VSNL1: variants seen among roughly 807,000 people sequenced by gnomAD.
VSNL1 encodes visinin like 1, also known as visinin-like protein 1.
VSNL1 carries 6 observed loss-of-function variants against 20.4 expected under a neutral mutation model. The ratio of observed to expected loss-of-function variants is 0.29; its 90% CI spans 0.16 to 0.58. The LOEUF is 0.58. Among genes scored for constraint, VSNL1 ranks in the 20% least tolerant of loss-of-function variants. The pLI is 0.90. For missense variants in VSNL1, 100 were observed against 234.5 expected (o/e 0.43, Z 3.75); for synonymous variants, 93 against 86.4 (o/e 1.08, Z -0.42).
At chr2:17,553,013 A>G (rs1403945092) in intron 1 of VSNL1, among the ~76,000 whole-genome samples, 2 of 152,208 alleles carry the variant, frequency 1.3e-5, no homozygotes, top group African/African-American at 4.8e-5. Context: ...TCTCTCGCAT[A>G]TACAAGATCT....
At chr2:17,589,126 A>G (rs1178841381) in intron 1 of VSNL1, among the ~76,000 whole-genome samples, 1 of 152,142 alleles carries the variant, frequency 6.6e-6, no homozygotes, top group East Asian at 1.9e-4. Context: ...AATTGAGACT[A>G]TTTAAAGAAG....
intron 1 of VSNL1, among the ~76,000 whole-genome samples, chr2:17,588,417 G>C (rs2103372710): frequency 6.6e-6 from 1 of 152,312 alleles, no homozygotes; most frequent in Non-Finnish European, 1.5e-5. Flanking sequence ...CAAGATCACA[G>C]AGTAAGTTAG....
chr2:17,655,316 T>C lies in VSNL1; in HGVS notation c.498T>C (p.Ile166=). The part of the protein sequence containing the change: ...SKMDKNKDDQ[I]TLDEFKEAAK... ...TGGATAAGAACAAAGATGACCAGAT[T>C]ACACTGGATGAATTCAAAGAAGCTG... The change falls in exon 4 of 4, where the codon ATT becomes ATC. Residue 166 remains isoleucine, a synonymous_variant. Transcript: ENST00000295156. This position sits in a 1 kb window ranked among gnomAD's most constrained non-coding sequence, Gnocchi z 5.2. 2 of 1,614,146 alleles carry C rather than the reference T, an allele frequency of 1.2e-6. No homozygotes were observed. The highest frequency in any genetic ancestry group is 1.7e-6 in the Non-Finnish European group (2 of 1,180,028).
Position 17,655,190 on chromosome 2 carries a change from C to A in VSNL1, c.379-7C>A. ...GTAATATCACCTACAATGCTTTTTT[C>A]CCCAAGGCTATCTACAAAATGGTAG... On this transcript the variant is annotated splice_region_variant and splice_polypyrimidine_tract_variant and intron_variant, in intron 3 of 3. Coordinates refer to ENST00000295156, the MANE Select transcript of VSNL1 (RefSeq NM_003385.5). This position sits in a 1 kb window ranked among gnomAD's most constrained non-coding sequence, Gnocchi z 5.2. The A allele has an allele frequency of 1.9e-6, 3 of 1,608,326 alleles. No individual in the cohort carries two copies. Among genetic ancestry groups the A allele is most frequent in the Non-Finnish European group, 2.5e-6 (3 of 1,177,620 alleles).
intron 2 of VSNL1, among the ~76,000 whole-genome samples, chr2:17,633,568 G>C (rs892080364): frequency 1.3e-5 from 2 of 151,910 alleles, no homozygotes; most frequent in African/African-American, 4.8e-5. Flanking sequence ...GATGGATCTA[G>C]CAGAGGCCAC....
At chr2:17,647,797 CTG>C (rs1666030308) in intron 2 of VSNL1, among the ~76,000 whole-genome samples, 1 of 152,182 alleles carries the variant, frequency 6.6e-6, no homozygotes, top group African/African-American at 2.4e-5. Flanking sequence ...CCCCCATTAA[CTG>C]TGCAGTCTCG....
chr2:17,575,233 C>A (rs1310611596), intron 1 of VSNL1, among the ~76,000 whole-genome samples: 1 of 152,172 alleles, frequency 6.6e-6, no homozygotes, highest in East Asian at 1.9e-4. Flanking sequence ...CCTCCCAACC[C>A]GGGAGGGAAG....
In VSNL1 at chr2:17,634,655, T is replaced by G. The variant is rs1384059428; in HGVS notation, c.163-14755T>G. 6.6e-6 allele frequency among the ~76,000 whole-genome samples: 1 copy of G among 152,192 alleles called. No homozygotes were observed. Among genetic ancestry groups the G allele is most frequent in the East Asian group, 1.9e-4 (1 of 5,200 alleles). ...GATCAGCAAAGTAAGAATGAGCCTCTCAGGTCGTAGTAGGGTGAGGAGGAA... is the reference window on the plus strand; with the variant it reads ...GATCAGCAAAGTAAGAATGAGCCTCGCAGGTCGTAGTAGGGTGAGGAGGAA... On this transcript the variant is annotated intron_variant, in intron 2 of 3. Transcript: ENST00000295156. The surrounding 1 kb of genome is among the most constrained non-coding windows in gnomAD (Gnocchi z 4.3).
intron 2 of VSNL1, among the ~76,000 whole-genome samples, chr2:17,633,887 TGATAAAG>T (rs1665693164): frequency 6.6e-6 from 1 of 151,688 alleles, no homozygotes; most frequent in Non-Finnish European, 1.5e-5. Flanking sequence ...TTGAGCTGAG[TGATAAAG>T]GACTAACAGG....
At chr2:17,607,539 G>A (rs980873895) in intron 2 of VSNL1, among the ~76,000 whole-genome samples, 3 of 152,330 alleles carry the variant, frequency 2.0e-5, no homozygotes, top group South Asian at 4.1e-4. Context: ...GTTGAACCAT[G>A]TCACTTCTTA....
intron 2 of VSNL1, among the ~76,000 whole-genome samples, chr2:17,595,918 A>G (rs1036332175): frequency 1.3e-4 from 20 of 152,168 alleles, no homozygotes; most frequent in Admixed American, 1.3e-3. Context: ...TATTGTTGCT[A>G]CAGTTCAAGT....
At chr2:17,593,035 A>G (rs1465343456) in intron 2 of VSNL1, among the ~76,000 whole-genome samples, 1 of 152,190 alleles carries the variant, frequency 6.6e-6, no homozygotes, top group African/African-American at 2.4e-5. Context: ...TACCAAATAG[A>G]AAAATATTGC....
chr2:17,622,430 G>A (rs13009645), intron 2 of VSNL1, among the ~76,000 whole-genome samples: 36,019 of 148,282 alleles, frequency 0.24, 5,842 homozygotes, highest in Middle Eastern at 0.48. Context: ...CCCAGGAGGC[G>A]GAGGTCGCAG....
intron 2 of VSNL1, among the ~76,000 whole-genome samples, chr2:17,621,215 C>CTT (rs1349254464): frequency 6.6e-6 from 1 of 151,644 alleles, no homozygotes; most frequent in Non-Finnish European, 1.5e-5. Flanking sequence ...TCCTTCCTTC[C>CTT]TTTCTCTCTC....
At chr2:17,644,079 G>A (rs73921016) in intron 2 of VSNL1, among the ~76,000 whole-genome samples, 12,207 of 152,254 alleles carry the variant, frequency 0.08, 915 homozygotes, top group African/African-American at 0.2. Flanking sequence ...GAGCTGTGGT[G>A]ACGATGGATG....
At chr2:17,546,473 A>G (rs916224747) in intron 1 of VSNL1, among the ~76,000 whole-genome samples, 2 of 151,800 alleles carry the variant, frequency 1.3e-5, no homozygotes, top group Admixed American at 1.3e-4. Flanking sequence ...AATTTTTTCT[A>G]ATGTAAATCA....
rs1422992559 is a variant in VSNL1 at position 17,656,708 on chromosome 2, G to C, written c.*1314G>C. The C allele has an allele frequency of 6.6e-6, 1 of 152,146 alleles. No homozygotes were observed. Among genetic ancestry groups the C allele is most frequent in the African/African-American group, 2.4e-5 (1 of 41,426 alleles). 9.4% of individuals were successfully genotyped at this position (152,146 alleles called of 1,614,324 possible). A position where few individuals can be genotyped will look rare whatever the true frequency, so the allele number is the denominator to read the frequency against. On this transcript the variant is annotated 3_prime_UTR_variant, in exon 4 of 4. Transcript: ENST00000295156. Reference sequence around the variant, plus strand: ...AGAACATGCCCCCCTAGAGAGTTGAGTTTTTTACACAGCACTACCCGGTAG... The same window carrying C: ...AGAACATGCCCCCCTAGAGAGTTGACTTTTTTACACAGCACTACCCGGTAG...
chr2:17,637,902 G>A (rs922102002), intron 2 of VSNL1, among the ~76,000 whole-genome samples: 2 of 152,158 alleles, frequency 1.3e-5, no homozygotes, highest in African/African-American at 2.4e-5. Context: ...CACTTTCCCG[G>A]ACGTGGTCTC....
At chr2:17,575,590 C>T (rs1375764050) in intron 1 of VSNL1, among the ~76,000 whole-genome samples, 1 of 151,658 alleles carries the variant, frequency 6.6e-6, no homozygotes, top group African/African-American at 2.4e-5. Flanking sequence ...GGCTGGAGTG[C>T]AGTGGCATGA....
Sources: gnomAD v4.1 joint callset for allele counts (sites outside exome capture counted in the v4.1 genomes callset) on GRCh38, gnomAD v4.1.1 for gene constraint, Gnocchi (gnomAD v3.1) non-coding constraint, MANE v1.5 for transcripts, NCBI Gene and HGNC (gene_info 2026-07-23, HGNC 2026-07-21) for gene names.